Variants in GPR171 observed in about 807,000 individuals in gnomAD.
GPR171 encodes F730001G15Rik.
GPR171 carries 14 observed loss-of-function variants against 16.7 expected under a neutral mutation model. The ratio of observed to expected loss-of-function variants is 0.84; its 90% confidence interval spans 0.55 to 1.31. The LOEUF (loss-of-function observed/expected upper bound fraction) is 1.31, where lower values mean the gene tolerates loss of function less well. Among genes scored for constraint, GPR171 ranks in the 40% most tolerant of loss-of-function variants. GPR171 has a pLI of 0.00. For synonymous variants in GPR171, 134 were observed against 135.6 expected (o/e 0.99, Z 0.08); for missense variants, 337 against 378.9 (o/e 0.89, Z 0.92).
chr3:151,199,772 TAG>T (rs747560800), intron 2 of GPR171, among the ~76,000 whole-genome samples: 28 of 152,116 alleles, frequency 1.8e-4, no homozygotes, highest in Admixed American at 7.2e-4. Flanking sequence ...TTCTGAGAAG[TAG>T]AGAGAGGAAA....
chr3:151,200,359 C>A (rs1005668753), intron 2 of GPR171, among the ~76,000 whole-genome samples: 4 of 152,092 alleles, frequency 2.6e-5, no homozygotes, highest in Non-Finnish European at 5.9e-5. Context: ...TGGTGTGGGT[C>A]CCCCTTTTGC....
At chr3:151,201,959 G>T (rs186761343) in intron 1 of GPR171, among the ~76,000 whole-genome samples, 4 of 152,188 alleles carry the variant, frequency 2.6e-5, no homozygotes, top group African/African-American at 9.7e-5. Context: ...TCAATGAGAC[G>T]TATATGGTAA....
chr3:151,198,565 A>G lies in GPR171; in HGVS notation c.822T>C (p.Ala274=). The G allele has an allele frequency of 6.2e-7, 1 of 1,614,058 alleles. No homozygotes were observed. Residue 274 remains alanine, a synonymous_variant, in exon 3 of 3, where the codon GCT becomes GCC. Coordinates refer to ENST00000309180, the MANE Select transcript of GPR171 (RefSeq NM_013308.4). Reference sequence around the variant, plus strand: ...TAGGATCAAAGCACAGGTTCGACACAGCCAGGAGCAGTGTAGCCTCTTTGG... The same window carrying G: ...TAGGATCAAAGCACAGGTTCGACACGGCCAGGAGCAGTGTAGCCTCTTTGG... ...FKAKEATLLL[A]VSNLCFDPIL... is the part of the protein sequence containing the mutation.
intron 1 of GPR171, among the ~76,000 whole-genome samples, chr3:151,202,538 C>T (rs957769642): frequency 3.3e-5 from 5 of 152,090 alleles, no homozygotes; most frequent in Admixed American, 2.6e-4. Context: ...AACGCGGTGG[C>T]GGGCACCTGT....
intron 1 of GPR171, among the ~76,000 whole-genome samples, chr3:151,202,625 G>T (rs932077032): frequency 6.6e-6 from 1 of 152,136 alleles, no homozygotes; most frequent in African/African-American, 2.4e-5. Flanking sequence ...AGCTGAGATC[G>T]CACCACTGCA....
Position 151,199,286 on chromosome 3 carries a change from A to G in GPR171, c.101T>C (p.Phe34Ser), listed in dbSNP as rs756843318. 5 of 1,613,960 alleles carry G rather than the reference A, an allele frequency of 3.1e-6. No individual in the cohort carries two copies. Among genetic ancestry groups the G allele is most frequent in the Non-Finnish European group, 4.2e-6 (5 of 1,179,960 alleles). Residue 34 changes from phenylalanine to serine, a missense_variant, in exon 3 of 3, where the codon TTT becomes TCT. Phe to Ser is a radical substitution (Grantham distance 155). Coordinates refer to ENST00000309180, the MANE Select transcript of GPR171 (RefSeq NM_013308.4). ...CTTCTGTATAAAAGCCCAGGTTGCAAAACAACTTCCAATAATTCCAACAAG... is the reference window on the plus strand; with the variant it reads ...CTTCTGTATAAAAGCCCAGGTTGCAGAACAACTTCCAATAATTCCAACAAG... ...VFLVGIIGSC[F>S]ATWAFIQKNT...
At position 151,201,217 on chromosome 3, in the gene GPR171, G is replaced by GCA. The variant is rs201839009; in HGVS notation, c.-142-222_-142-221dup. Among the ~76,000 whole-genome samples, 236 of 150,970 alleles carry GCA rather than the reference G, an allele frequency of 1.6e-3. 1 individual carries two copies. In the East Asian group the frequency reaches 0.027, roughly 17 times the overall value. On this transcript the variant is annotated intron_variant, in intron 1 of 2. Coordinates refer to ENST00000309180, the MANE Select transcript of GPR171 (RefSeq NM_013308.4). ...TGCTGTTCTATGCATACAACCACGT[G>GCA]CACACACTCTCTCTCTCTCTCTCTC...
chr3:151,200,500 C>G (rs926418099), intron 2 of GPR171, among the ~76,000 whole-genome samples: 1 of 152,152 alleles, frequency 6.6e-6, no homozygotes, highest in Non-Finnish European at 1.5e-5. Flanking sequence ...ACATTGAAGG[C>G]CAGATCAGCT....
Position 151,199,242 on chromosome 3 carries a change from C to G in GPR171, c.145G>C (p.Val49Leu). ...AGCAAATTAATTAAGTAGATGCTCA[C>G]ACACCTGTGATTCGTATTCTTCTGT... ...FIQKNTNHRC[V>L]SIYLINLLTA... The change falls in exon 3 of 3, where the codon GTG becomes CTG. Residue 49 changes from valine (V) to leucine (L), a missense_variant. Physicochemically the swap from Val to Leu is conservative, Grantham distance 32 (BLOSUM62 1). Coordinates refer to ENST00000309180, the MANE Select transcript of GPR171 (RefSeq NM_013308.4). 6.2e-7 allele frequency: 1 copy of G among 1,614,028 alleles called. No individual in the cohort carries two copies. The highest frequency in any genetic ancestry group is 8.5e-7 in the Non-Finnish European group (1 of 1,179,932).
In GPR171 at chr3:151,198,559, C is replaced by T. The variant is rs775054911; in HGVS notation, c.828G>A (p.Ser276=). 6.2e-6 allele frequency: 10 copies of T among 1,614,060 alleles called. No individual in the cohort carries two copies. In the East Asian group the frequency reaches 6.7e-5, roughly 11 times the overall value. ...ACAGGATAGGATCAAAGCACAGGTT[C>T]GACACAGCCAGGAGCAGTGTAGCCT... ...AKEATLLLAV[S]NLCFDPILYY... Residue 276 remains serine, a synonymous_variant, in exon 3 of 3, where the codon TCG becomes TCA. Transcript: ENST00000309180.
chr3:151,200,821 T>C (rs1183064864), intron 2 of GPR171, 88 bp downstream of exon 2: 2 of 152,248 alleles, frequency 1.3e-5, no homozygotes, highest in African/African-American at 4.8e-5. Context: ...CATGTACTTA[T>C]TTAACTTCTT....
chr3:151,199,394 G>A lies in GPR171; in HGVS notation c.-8C>T, dbSNP rs1246013920. The stretch of plus-strand genomic sequence containing the variant: ...GAACGAACTGTTTGTCATCTTGAGG[G>A]AAAGTAAGGATGACTGCTTATTGAA... On this transcript the variant is annotated 5_prime_UTR_variant, in exon 3 of 3. Transcript: ENST00000309180. The A allele has an allele frequency of 1.9e-6, 3 of 1,592,954 alleles. No homozygotes were observed. The highest frequency in any genetic ancestry group is 2.2e-5 in the East Asian group (1 of 44,706).
In GPR171 at chr3:151,201,283, A is replaced by G. The variant is rs560980584; in HGVS notation, c.-142-286T>C. On this transcript the variant is annotated intron_variant, in intron 1 of 2. Transcript: ENST00000309180. ...TAAAAACAAAACCTAGGCCCATCCAATAAGTTTAAACCAACTTTGCTCTCA... is the reference window on the plus strand; with the variant it reads ...TAAAAACAAAACCTAGGCCCATCCAGTAAGTTTAAACCAACTTTGCTCTCA... Among the ~76,000 whole-genome samples the G allele has an allele frequency of 5.9e-5, 9 of 152,264 alleles. No individual in the cohort carries two copies. The South Asian group carries it at 1.2e-3, about 21-fold the overall frequency.
At position 151,198,596 on chromosome 3, in the gene GPR171, AAG is replaced by A. The variant is rs1223810130; in HGVS notation, c.789_790del (p.Phe264GlnfsTer17). On this transcript the variant is annotated frameshift_variant, in exon 3 of 3. Transcript: ENST00000309180. LOFTEE classifies it high-confidence loss of function. ...GAGCAGTGTAGCCTCTTTGGCTTTG[AAG>A]AGTGAAATCCTGGTTGAGCAATCAG... The A allele has an allele frequency of 1.2e-6, 2 of 1,614,024 alleles. No homozygotes were observed. The highest frequency in any genetic ancestry group is 1.7e-6 in the Non-Finnish European group (2 of 1,179,918).
At position 151,199,315 on chromosome 3, in the gene GPR171, A is replaced by G. The variant is rs746750520; in HGVS notation, c.72T>C (p.Val24=). ...LEPFTYFFYL[V]FLVGIIGSCF... is the part of the protein sequence containing the mutation. ...AACTTCCAATAATTCCAACAAGGAA[A>G]ACTAAATAAAAAAAATACGTGAATG... is the stretch of plus-strand genomic sequence containing the variant. Residue 24 remains valine, a synonymous_variant, in exon 3 of 3, where the codon GTT becomes GTC. Coordinates refer to ENST00000309180, the MANE Select transcript of GPR171 (RefSeq NM_013308.4). The G allele has an allele frequency of 9.9e-6, 16 of 1,613,662 alleles. No homozygotes were observed. The highest frequency in any genetic ancestry group is 1.3e-5 in the African/African-American group (1 of 74,910).
At position 151,199,027 on chromosome 3, in the gene GPR171, G is replaced by A; in HGVS notation, c.360C>T (p.Cys120=). 2 of 1,614,108 alleles carry A rather than the reference G, an allele frequency of 1.2e-6. No homozygotes were observed. The highest frequency in any genetic ancestry group is 1.1e-5 in the South Asian group (1 of 91,080). The change falls in exon 3 of 3, where the codon TGC becomes TGT. Residue 120 remains cysteine, a synonymous_variant. Transcript: ENST00000309180. ...IDRCLQLTHS[C]KIYRIQEPGF... ...CGGGTTCTTGTATTCGGTAGATCTT[G>A]CAGCTGTGTGTCAGCTGAAGACAGC...
chr3:151,202,409 G>A (rs1408952889), intron 1 of GPR171, among the ~76,000 whole-genome samples: 3 of 152,246 alleles, frequency 2.0e-5, no homozygotes, highest in Admixed American at 6.5e-5. Flanking sequence ...AGTGGCTCAC[G>A]CCTGTAATCC....
Position 151,199,516 on chromosome 3 carries a change from A to G in GPR171, c.-53-77T>C, listed in dbSNP as rs193188401. The G allele has an allele frequency of 6.4e-4, 480 of 748,576 alleles. 1 individual carries two copies. The highest frequency in any genetic ancestry group is 5.4e-4 in the Non-Finnish European group (256 of 470,240). The allele number at this position is 748,576 out of a possible 1,614,324, so 46.4% of individuals were successfully genotyped here. A position where few individuals can be genotyped will look rare whatever the true frequency, so the allele number is the denominator to read the frequency against. ...TTCTTTAAAAGACATTGGTCTTCAC[A>G]ATACCGTTGTCTTTCCAGTTCTTAG... On this transcript the variant is annotated intron_variant, in intron 2 of 2. Transcript: ENST00000309180.
intron 1 of GPR171, among the ~76,000 whole-genome samples, chr3:151,201,390 C>G (rs751246646): frequency 7.9e-5 from 12 of 152,144 alleles, no homozygotes; most frequent in Non-Finnish European, 1.5e-4. Flanking sequence ...CTCTATTATT[C>G]TGTGTACAGT....
Sources: allele counts gnomAD v4.1 joint callset (sites outside exome capture counted in the v4.1 genomes callset), GRCh38; gene constraint gnomAD v4.1.1; transcripts MANE v1.5; gene names NCBI Gene and HGNC (gene_info 2026-07-23, HGNC 2026-07-21).